ZNF365: variants seen among roughly 807,000 people sequenced by gnomAD.
ZNF365 encodes zinc finger protein 365, also known as protein ZNF365.
Under a neutral mutation model 35.0 loss-of-function variants are expected in ZNF365, and 22 were observed. The observed-to-expected ratio is 0.63, with a 90% confidence interval of 0.45 to 0.90. The LOEUF (loss-of-function observed/expected upper bound fraction) is 0.90, where lower values mean the gene tolerates loss of function less well. ZNF365 is among the 40% of genes least tolerant of loss of function. ZNF365 has a pLI of 0.00. For synonymous variants in ZNF365, 188 were observed against 196.2 expected, an observed-to-expected ratio of 0.96 and a Z score of 0.35; for missense variants, 448 against 500.3, an observed-to-expected ratio of 0.90 and a Z score of 1.00.
chr10:62,398,883 A>G (rs1839776154), intron 4 of ZNF365, 106 bp downstream of exon 4: 1 of 1,170,794 alleles, frequency 8.5e-7, no homozygotes, highest in Non-Finnish European at 1.2e-6. Context: ...TATCTATATT[A>G]TAAATGGCTT....
intron 4 of ZNF365, among the ~76,000 whole-genome samples, chr10:62,471,536 C>T (rs1012931199): frequency 2.0e-5 from 3 of 152,046 alleles, no homozygotes; most frequent in Non-Finnish European, 4.4e-5. Context: ...CTTGGAATAG[C>T]GAAAGGCAGT....
chr10:62,433,068 AGGAACT>A (rs1840357402), intron 3 of ZNF365, among the ~76,000 whole-genome samples: 2 of 152,350 alleles, frequency 1.3e-5, no homozygotes, highest in South Asian at 4.1e-4. Context: ...TCAAACCAAA[AGGAACT>A]TCAAATTCAT....
At position 62,398,745 on chromosome 10, in the gene ZNF365, A is replaced by C. The variant is rs760834661; in HGVS notation, c.930A>C (p.Thr310=). The change falls in exon 4 of 5, where the codon ACA becomes ACC. Residue 310 remains threonine (T), a synonymous_variant. Coordinates refer to ENST00000395254, the MANE Select transcript of ZNF365 (RefSeq NM_014951.3). ...TCTTATTTGTTTTCCTTCAGCTTAC[A>C]GACATCTCCTCAAATAGGAAGCCCA... The part of the protein sequence containing the change: ...FVRDLSGHVL[T]DISSNRKPKC... 6.2e-7 allele frequency: 1 copy of C among 1,612,458 alleles called. No individual in the cohort carries two copies. The highest frequency in any genetic ancestry group is 1.7e-5 in the Admixed American group (1 of 59,810).
At chr10:62,383,482 A>G (rs961552942) in intron 2 of ZNF365, among the ~76,000 whole-genome samples, 24 of 152,246 alleles carry the variant, frequency 1.6e-4, no homozygotes, top group Admixed American at 9.8e-4. Context: ...CAGAGGGAAC[A>G]GCATATCCAA....
intron 3 of ZNF365, among the ~76,000 whole-genome samples, chr10:62,388,909 T>C (rs1564570006): frequency 1.3e-5 from 2 of 152,186 alleles, no homozygotes; most frequent in African/African-American, 2.4e-5. Context: ...GATGTTCAAG[T>C]AGCTCAGAAG....
intron 1 of ZNF365, among the ~76,000 whole-genome samples, chr10:62,375,294 T>C (rs1839302205): frequency 6.6e-6 from 1 of 152,138 alleles, no homozygotes; most frequent in Non-Finnish European, 1.5e-5. Flanking sequence ...ACACTGACCA[T>C]CCCTAGAGGT....
intron 4 of ZNF365, among the ~76,000 whole-genome samples, chr10:62,460,084 C>G (rs982850247): frequency 1.3e-5 from 2 of 152,148 alleles, no homozygotes; most frequent in African/African-American, 2.4e-5. Flanking sequence ...GTCTTATTCT[C>G]TTCTCTACCT....
intron 3 of ZNF365, among the ~76,000 whole-genome samples, chr10:62,450,951 A>T (rs552058941): frequency 1.3e-5 from 2 of 152,334 alleles, no homozygotes; most frequent in South Asian, 4.1e-4. Context: ...CTTTTCTGAA[A>T]CCAACCGTTT....
intron 4 of ZNF365, among the ~76,000 whole-genome samples, chr10:62,468,998 G>A (rs1160881103): frequency 6.6e-6 from 1 of 152,200 alleles, no homozygotes; most frequent in East Asian, 1.9e-4. Flanking sequence ...TTACCAGTAT[G>A]ATTCTGAAGA....
chr10:62,479,908 T>A (rs1430957553), exon 5 of ZNF365: 3 of 1,613,418 alleles, frequency 1.9e-6, no homozygotes, highest in Middle Eastern at 1.7e-4. Context: ...GAACTTCGAA[T>A]GATGTGATTC....
At chr10:62,390,604 GCAAAATTATATC>G (rs1839610730) in intron 3 of ZNF365, among the ~76,000 whole-genome samples, 1 of 152,182 alleles carries the variant, frequency 6.6e-6, no homozygotes, top group South Asian at 2.1e-4. Flanking sequence ...ATATGTACAT[GCAAAATTATATC>G]CAGTTGTGTC....
In ZNF365 at chr10:62,376,324, G is replaced by A; in HGVS notation, c.131G>A (p.Arg44Lys). 1 of 1,614,140 alleles carries A rather than the reference G, an allele frequency of 6.2e-7. No individual in the cohort carries two copies. Among genetic ancestry groups the A allele is most frequent in the Non-Finnish European group, 8.5e-7 (1 of 1,180,024 alleles). ...HTRFRSLSSL[R>K]AHLEFSHSYE... ...AGATTTAGAAGCTTGTCATCCTTGA[G>A]GGCCCATCTGGAGTTCAGTCACAGC... Residue 44 changes from arginine to lysine, a missense_variant, in exon 2 of 5, where the codon AGG (arginine) becomes AAG (lysine). This residue lies in a region of ZNF365 where 76 missense variants were observed against 96.7 expected (regional missense o/e 0.79). Transcript: ENST00000395254.
At chr10:62,421,051 G>C (rs1430698108) in intron 3 of ZNF365, among the ~76,000 whole-genome samples, 1 of 151,400 alleles carries the variant, frequency 6.6e-6, no homozygotes, top group Non-Finnish European at 1.5e-5. Flanking sequence ...GACTTCAAAA[G>C]ATAGAAATGT....
At chr10:62,464,690 A>AT (rs1840903583) in intron 4 of ZNF365, among the ~76,000 whole-genome samples, 1 of 152,192 alleles carries the variant, frequency 6.6e-6, no homozygotes, top group Non-Finnish European at 1.5e-5. Flanking sequence ...CAAACTCCAG[A>AT]TTTTTTATTT....
intron 3 of ZNF365, among the ~76,000 whole-genome samples, chr10:62,444,125 T>G (rs977879377): frequency 6.6e-6 from 1 of 152,194 alleles, no homozygotes. Context: ...CCATTTCCTC[T>G]CACTCCAGGG....
At chr10:62,456,784 A>T (rs1840767522) in intron 3 of ZNF365, among the ~76,000 whole-genome samples, 1 of 152,170 alleles carries the variant, frequency 6.6e-6, no homozygotes, top group Admixed American at 6.5e-5. Context: ...CTTTCTTGTA[A>T]TGCTATTTAG....
intron 3 of ZNF365, among the ~76,000 whole-genome samples, chr10:62,424,861 G>A (rs557563965): frequency 6.6e-6 from 1 of 152,280 alleles, no homozygotes; most frequent in Admixed American, 6.5e-5. Context: ...CTTATTTCAA[G>A]ATGGAAAACG....
intron 3 of ZNF365, among the ~76,000 whole-genome samples, chr10:62,391,368 A>T (rs775599468): frequency 6.6e-6 from 1 of 152,066 alleles, no homozygotes; most frequent in Non-Finnish European, 1.5e-5. Flanking sequence ...GTAGTCTTTT[A>T]TCTCTCACAC....
At chr10:62,478,797 A>T (rs1336859684) in intron 4 of ZNF365, among the ~76,000 whole-genome samples, 2 of 152,100 alleles carry the variant, frequency 1.3e-5, no homozygotes, top group Non-Finnish European at 2.9e-5. Flanking sequence ...GATGGTCTCG[A>T]TCTCCTGACC....
Sources: gnomAD v4.1 joint callset for allele counts (sites outside exome capture counted in the v4.1 genomes callset) on GRCh38, gnomAD v4.1.1 for gene constraint, gnomAD v4.1.1 regional missense constraint, MANE v1.5 for transcripts, NCBI Gene and HGNC (gene_info 2026-07-23, HGNC 2026-07-21) for gene names.